Variants in KLF8 observed in about 807,000 individuals in gnomAD.
KLF8 encodes Krueppel-like factor 8.
In KLF8, 10 loss-of-function variants were observed where a neutral mutation model predicts 18.2. The observed-to-expected ratio is 0.55, with a 90% confidence interval of 0.34 to 0.93. The LOEUF (loss-of-function observed/expected upper bound fraction) is 0.93, where lower values mean the gene tolerates loss of function less well. KLF8 is among the 40% of genes least tolerant of loss of function. The pLI is 0.02. For missense variants in KLF8, 264 were observed against 277.9 expected, an observed-to-expected ratio of 0.95 and a Z score of 0.36; for synonymous variants, 109 against 97.3, an observed-to-expected ratio of 1.12 and a Z score of -0.71.
At chrX:56,022,317 C>G in the KLF8 span, among the ~76,000 whole-genome samples, 1 of 109,687 alleles carries the variant, frequency 9.1e-6, no homozygotes, top group Non-Finnish European at 1.9e-5. Flanking sequence ...GAGGCTGATG[C>G]GGGCGGATCA....
the KLF8 span, among the ~76,000 whole-genome samples, chrX:56,067,560 A>G: frequency 1.4e-4 from 16 of 111,337 alleles, no homozygotes; most frequent in Admixed American, 1.4e-3. Context: ...GGATCCATCA[A>G]TGCAGCAGGG....
chrX:56,041,753 G>A, the KLF8 span, among the ~76,000 whole-genome samples: 4 of 110,765 alleles, frequency 3.6e-5, no homozygotes, highest in African/African-American at 9.9e-5. Context: ...GCAGTGGCAT[G>A]ATCTCAGCTC....
At chrX:56,124,786 A>G in the KLF8 span, among the ~76,000 whole-genome samples, 65 of 112,143 alleles carry the variant, frequency 5.8e-4, no homozygotes, top group South Asian at 1.5e-3. Context: ...TTTTTATGTC[A>G]CTGTGACCTT....
chrX:56,052,521 C>A, the KLF8 span, among the ~76,000 whole-genome samples: 16 of 111,678 alleles, frequency 1.4e-4, no homozygotes, highest in Non-Finnish European at 2.4e-4. Context: ...TGTTGGAATA[C>A]CTGCCGTGTG....
chrX:56,094,945 G>A, the KLF8 span, among the ~76,000 whole-genome samples: 1 of 111,120 alleles, frequency 9.0e-6, no homozygotes, highest in Non-Finnish European at 1.9e-5. Flanking sequence ...GAAATCTACA[G>A]ATTTCACATA....
chrX:56,057,581 A>G, the KLF8 span, among the ~76,000 whole-genome samples: 6 of 111,581 alleles, frequency 5.4e-5, no homozygotes, highest in East Asian at 1.1e-3. Flanking sequence ...TCACCAGCAC[A>G]GAAGCCATGA....
the KLF8 span, among the ~76,000 whole-genome samples, chrX:55,945,872 A>C: frequency 5.4e-5 from 6 of 110,848 alleles, no homozygotes; most frequent in Admixed American, 1.9e-4. Flanking sequence ...TCATGAGTGA[A>C]CTCCCATTCA....
chrX:56,146,091 G>A, the KLF8 span, among the ~76,000 whole-genome samples: 2 of 112,053 alleles, frequency 1.8e-5, no homozygotes, highest in Non-Finnish European at 3.8e-5. Flanking sequence ...GGGAAAAATA[G>A]AAACGTTTTT....
the KLF8 span, among the ~76,000 whole-genome samples, chrX:56,183,958 G>T: frequency 9.0e-6 from 1 of 111,345 alleles, no homozygotes; most frequent in Admixed American, 9.5e-5. Context: ...GAAGATGGGT[G>T]ATTTCTGCAT....
chrX:56,179,995 G>A, the KLF8 span, among the ~76,000 whole-genome samples: 78 of 111,071 alleles, frequency 7.0e-4, no homozygotes, highest in South Asian at 0.029. Context: ...TCAGGATGAT[G>A]CTGGCCCCAT....
intron 2 of KLF8, among the ~76,000 whole-genome samples, chrX:56,261,167 A>G (rs2066878019): frequency 8.9e-6 from 1 of 111,876 alleles, no homozygotes; most frequent in Non-Finnish European, 1.9e-5. Flanking sequence ...ATATGAATAA[A>G]TAACTCTTTT....
chrX:55,981,341 G>T, the KLF8 span, among the ~76,000 whole-genome samples: 1 of 112,303 alleles, frequency 8.9e-6, no homozygotes, highest in African/African-American at 3.2e-5. Context: ...GTGAACTGAA[G>T]TGCTTAATTA....
At chrX:56,255,265 T>A (rs896178521) in intron 2 of KLF8, among the ~76,000 whole-genome samples, 1 of 113,041 alleles carries the variant, frequency 8.8e-6, no homozygotes, top group Admixed American at 9.3e-5. Context: ...TGATTTTCTA[T>A]ACTGCAGCTT....
At chrX:56,058,279 CATATATATATATATATATATATAT>C in the KLF8 span, among the ~76,000 whole-genome samples, 1 of 7,311 alleles carries the variant, frequency 1.4e-4, no homozygotes, top group Non-Finnish European at 3.6e-4. Flanking sequence ...CATATATATA[CATATATATATATATATATATATAT>C]ATATATATAT....
intron 2 of KLF8, among the ~76,000 whole-genome samples, chrX:56,252,936 T>C (rs2066733774): frequency 8.9e-6 from 1 of 112,656 alleles, no homozygotes; most frequent in Non-Finnish European, 1.9e-5. Flanking sequence ...CATTGTAGTT[T>C]TGATTTACAT....
chrX:56,189,689 C>T, the KLF8 span, among the ~76,000 whole-genome samples: 1 of 109,542 alleles, frequency 9.1e-6, no homozygotes, highest in East Asian at 2.9e-4. Context: ...ACTATGCAGC[C>T]ATAAAAAATG....
the KLF8 span, among the ~76,000 whole-genome samples, chrX:56,106,064 A>G: frequency 5.4e-5 from 6 of 111,612 alleles, no homozygotes; most frequent in South Asian, 1.9e-3. Flanking sequence ...CTTCTGGCTT[A>G]TAGGATTTTT....
the KLF8 span, chrX:55,908,382 G>A: frequency 1.0e-5 from 3 of 292,779 alleles, no homozygotes; most frequent in Non-Finnish European, 1.8e-5. Context: ...CAGCTTTAAA[G>A]GGGCTGGTGA....
chrX:56,217,500 T>C, the KLF8 span, among the ~76,000 whole-genome samples: 1 of 110,662 alleles, frequency 9.0e-6, no homozygotes, highest in Non-Finnish European at 1.9e-5. Flanking sequence ...CTACAACCTC[T>C]GCCTCCTGGG....
Sources: allele counts gnomAD v4.1 joint callset (sites outside exome capture counted in the v4.1 genomes callset), GRCh38; gene constraint gnomAD v4.1.1; transcripts MANE v1.5; gene names NCBI Gene and HGNC (gene_info 2026-07-23, HGNC 2026-07-21).